Variants in CABP1 observed in about 807,000 individuals in gnomAD.
CABP1 encodes the protein calcium-binding protein 1.
Under a neutral mutation model 34.3 loss-of-function variants are expected in CABP1, and 17 were observed. The ratio of observed to expected loss-of-function variants is 0.50; its 90% CI spans 0.34 to 0.74. The LOEUF (loss-of-function observed/expected upper bound fraction) is 0.74, where lower values mean the gene tolerates loss of function less well. Ranked by LOEUF, CABP1 falls within the 30% of genes least tolerant of loss-of-function variation. The pLI is 0.01. For missense variants in CABP1, 373 were observed against 511.1 expected, an observed-to-expected ratio of 0.73 and a Z score of 2.61; for synonymous variants, 198 against 229.2, an observed-to-expected ratio of 0.86 and a Z score of 1.23.
rs3809311 is a variant in CABP1 at position 120,656,284 on chromosome 12, G to T, written c.655-3594G>T. ...AGAACAGGCAGCCTGTACGTAAGTT[G>T]GCCCAGTGGAGCCCGCTGAACTTGG... is the stretch of plus-strand genomic sequence containing the variant. On this transcript the variant is annotated intron_variant, in intron 1 of 5. Transcript: ENST00000316803. The T allele has an allele frequency of 0.022, 34,177 of 1,532,788 alleles. 1,728 individuals carry two copies. In the East Asian group the frequency reaches 0.23, roughly 10 times the overall value. 94.9% of individuals were successfully genotyped at this position (1,532,788 alleles called of 1,614,324 possible). A position where few individuals can be genotyped will look rare whatever the true frequency, so the allele number is the denominator to read the frequency against.
At chr12:120,655,583 G>C in intron 1 of CABP1, 1 of 1,291,724 alleles carries the variant, frequency 7.7e-7, no homozygotes, top group Non-Finnish European at 9.8e-7. Context: ...AGCTCCGATT[G>C]CCCTCACTGC....
chr12:120,668,522 A>G (rs1370064671), downstream of CABP1, among the ~76,000 whole-genome samples: 2 of 152,176 alleles, frequency 1.3e-5, no homozygotes, highest in East Asian at 1.9e-4. Context: ...TGTGTAGCCA[A>G]TAGGCCCAGG....
At chr12:120,667,516 T>C (rs1881081851), downstream of CABP1, among the ~76,000 whole-genome samples, 1 of 152,162 alleles carries the variant, frequency 6.6e-6, no homozygotes, top group Non-Finnish European at 1.5e-5. Flanking sequence ...TGAGACAGGG[T>C]CTAGCTCCGT....
chr12:120,650,126 C>G (rs1191404115), intron 1 of CABP1: 2 of 157,832 alleles, frequency 1.3e-5, no homozygotes, highest in Non-Finnish European at 2.8e-5. Context: ...TAGCCAGCTT[C>G]CCTTTCTGGG....
At chr12:120,644,516 G>A (rs956457981) in intron 1 of CABP1, among the ~76,000 whole-genome samples, 1 of 152,134 alleles carries the variant, frequency 6.6e-6, no homozygotes, top group African/African-American at 2.4e-5. Context: ...ATGATGACAT[G>A]GGGCTTTAGG....
chr12:120,654,071 A>G (rs1429649226), intron 1 of CABP1, among the ~76,000 whole-genome samples: 3 of 152,184 alleles, frequency 2.0e-5, no homozygotes, highest in Non-Finnish European at 4.4e-5. Flanking sequence ...GCTCTAGTCT[A>G]GGTCCCAGAA....
the CABP1 span, among the ~76,000 whole-genome samples, chr12:120,679,763 G>T: frequency 5.9e-5 from 9 of 152,154 alleles, no homozygotes; most frequent in Non-Finnish European, 1.0e-4. Context: ...GGAGGTGGAG[G>T]TTGCGGTGAG....
At chr12:120,672,470 T>C in the CABP1 span, among the ~76,000 whole-genome samples, 1 of 151,250 alleles carries the variant, frequency 6.6e-6, no homozygotes, top group Non-Finnish European at 1.5e-5. Flanking sequence ...CTGTCTCTAC[T>C]AAAAATACAA....
rs1879309620 is a variant in CABP1, at chr12:120,641,302, A to G, written c.617A>G (p.His206Arg). The G allele has an allele frequency of 7.5e-7, 1 of 1,328,246 alleles. No homozygotes were observed. Among genetic ancestry groups the G allele is most frequent in the Non-Finnish European group, 9.6e-7 (1 of 1,040,408 alleles). 82.3% of individuals were successfully genotyped at this position (1,328,246 alleles called of 1,614,324 possible). A position where few individuals can be genotyped will look rare whatever the true frequency, so the allele number is the denominator to read the frequency against. The change falls in exon 1 of 6, where the codon CAC becomes CGC. Residue 206 changes from histidine (H) to arginine (R), a missense_variant. Around this residue, in one of 4 missense-constraint regions of CABP1, gnomAD observed 121 missense variants for 125.5 expected, o/e 0.96. Transcript: ENST00000316803. This position sits in a 1 kb window ranked among gnomAD's most constrained non-coding sequence, Gnocchi z 6.7. ...GCGTCCGAGGCGGACCCGTTCCTCC[A>G]CCGGCTGCGCCCCATGCTCAGCTCC... ...AAASEADPFL[H>R]RLRPMLSSAF... is the part of the protein sequence containing the mutation.
Position 120,660,085 on chromosome 12 carries a change from G to C in CABP1, c.686-111G>C. 7.0e-7 allele frequency: 1 copy of C among 1,428,090 alleles called. No individual in the cohort carries two copies. The highest frequency in any genetic ancestry group is 9.6e-7 in the Non-Finnish European group (1 of 1,036,810). The allele number at this position is 1,428,090 out of a possible 1,614,324, so 88.5% of individuals were successfully genotyped here. ...GCAAGAGAAATGCCCCAGCATCCTG[G>C]GAAGCTCCTGGGCCTCTCTTTCCAT... On this transcript the variant is annotated intron_variant, in intron 2 of 5. Coordinates refer to ENST00000316803, the MANE Select transcript of CABP1 (RefSeq NM_001033677.2). This position sits in a 1 kb window ranked among gnomAD's most constrained non-coding sequence, Gnocchi z 5.0.
At chr12:120,672,711 GAA>G in the CABP1 span, among the ~76,000 whole-genome samples, 60,088 of 139,402 alleles carry the variant, frequency 0.43, 15,453 homozygotes, top group African/African-American at 0.74. Context: ...GCACTTGGGT[GAA>G]AAAAAAAAAA....
chr12:120,661,218 G>A lies in CABP1; in HGVS notation c.1087G>A (p.Glu363Lys). 1 of 1,605,082 alleles carries A rather than the reference G, an allele frequency of 6.2e-7. No individual in the cohort carries two copies. The highest frequency in any genetic ancestry group is 8.5e-7 in the Non-Finnish European group (1 of 1,179,192). Residue 363 changes from glutamate to lysine, a missense_variant and splice_region_variant, in exon 5 of 6, where the codon GAG (glutamate) becomes AAG (lysine). By Grantham distance (56) the Glu-to-Lys change is moderately conservative. Around this residue, in one of 4 missense-constraint regions of CABP1, gnomAD observed 109 missense variants for 204.8 expected, o/e 0.53. Coordinates refer to ENST00000316803, the MANE Select transcript of CABP1 (RefSeq NM_001033677.2). This position sits in a 1 kb window ranked among gnomAD's most constrained non-coding sequence, Gnocchi z 5.1. ...LNGDGRVDFE[E>K]FVRMMSR Reference sequence around the variant, plus strand: ...TGGGGATGGACGAGTGGACTTTGAAGGTAGGTGGGGCTTGAAAGTGGGAGA... The same window carrying A: ...TGGGGATGGACGAGTGGACTTTGAAAGTAGGTGGGGCTTGAAAGTGGGAGA...
rs766332693 is a variant in CABP1, at chr12:120,656,175, C to T, written c.655-3703C>T. On this transcript the variant is annotated intron_variant, in intron 1 of 5. Transcript: ENST00000316803. ...GCGGCTGACGCCGAGCTCCCGGGAC[C>T]GCTCCTGATGCTGGCCCAGAACTGC... The T allele has an allele frequency of 1.8e-5, 29 of 1,613,694 alleles. 1 individual carries two copies. Among genetic ancestry groups the T allele is most frequent in the South Asian group, 3.3e-5 (3 of 91,064 alleles).
At chr12:120,673,337 C>A in the CABP1 span, among the ~76,000 whole-genome samples, 4 of 152,048 alleles carry the variant, frequency 2.6e-5, no homozygotes, top group Admixed American at 2.6e-4. Context: ...GTAATCCCAG[C>A]GCTTTGGGAG....
chr12:120,656,310 C>T, intron 1 of CABP1: 2 of 1,489,328 alleles, frequency 1.3e-6, no homozygotes, highest in Non-Finnish European at 1.8e-6. Flanking sequence ...CTGAACTTGG[C>T]TTCACAGGGC....
At chr12:120,665,268 C>T (rs1880897505) in intron 5 of CABP1, among the ~76,000 whole-genome samples, 1 of 151,286 alleles carries the variant, frequency 6.6e-6, no homozygotes, top group Admixed American at 6.6e-5. Flanking sequence ...ACTAAAAATA[C>T]AAAAAAAATT....
In CABP1 at chr12:120,653,370, T is replaced by A. The variant is rs568642366; in HGVS notation, c.655-6508T>A. On this transcript the variant is annotated intron_variant, in intron 1 of 5. Transcript: ENST00000316803. ...AATCCTGTGACTAGTCATGAGCATC[T>A]CCCACAGTATGGAGAAGGAAGCTGG... 9.9e-5 allele frequency among the ~76,000 whole-genome samples: 15 copies of A among 152,194 alleles called. No individual in the cohort carries two copies. In the South Asian group the frequency reaches 3.1e-3, roughly 32 times the overall value.
Position 120,667,236 on chromosome 12 carries a change from G to T in CABP1, c.*336G>T. ...GACCCCACACAGCATGTCCGCCCCAGGGCAAAGCCTCCCACCTTCGCTCTG... is the reference window on the plus strand; with the variant it reads ...GACCCCACACAGCATGTCCGCCCCATGGCAAAGCCTCCCACCTTCGCTCTG... On this transcript the variant is annotated 3_prime_UTR_variant, in exon 6 of 6. Transcript: ENST00000316803. 4.3e-6 allele frequency: 2 copies of T among 465,576 alleles called. No homozygotes were observed. The highest frequency in any genetic ancestry group is 3.9e-6 in the Non-Finnish European group (1 of 255,918). 28.8% of individuals were successfully genotyped at this position (465,576 alleles called of 1,614,324 possible).
chr12:120,664,298 G>A (rs766279759), intron 5 of CABP1, among the ~76,000 whole-genome samples: 16 of 152,170 alleles, frequency 1.1e-4, no homozygotes, highest in Admixed American at 2.0e-4. Context: ...TAGAGGGGGC[G>A]CCTGTGCCAA....
Sources: gnomAD v4.1 joint callset for allele counts (sites outside exome capture counted in the v4.1 genomes callset) on GRCh38, gnomAD v4.1.1 for gene constraint, gnomAD v4.1.1 regional missense constraint, Gnocchi (gnomAD v3.1) non-coding constraint, MANE v1.5 for transcripts, NCBI Gene and HGNC (gene_info 2026-07-23, HGNC 2026-07-21) for gene names.